Variants in NINJ2 observed in about 807,000 individuals in gnomAD.
The protein encoded by NINJ2 is ninjurin 2.
Under a neutral mutation model 11.7 loss-of-function variants are expected in NINJ2, and 12 were observed. That is an observed-to-expected ratio of 1.02 (90% CI 0.66 to 1.66). NINJ2 has a LOEUF of 1.66. NINJ2 is among the 40% of genes most tolerant of loss of function. The pLI, the probability that NINJ2 is intolerant of heterozygous loss-of-function variation, is 0.00. For synonymous variants in NINJ2, 93 were observed against 76.8 expected, an observed-to-expected ratio of 1.21 and a Z score of -1.10; for missense variants, 187 against 181.8, an observed-to-expected ratio of 1.03 and a Z score of -0.16.
chr12:609,767 C>A, intron 1 of NINJ2, among the ~76,000 whole-genome samples: 1 of 66,102 alleles, frequency 1.5e-5, no homozygotes, highest in African/African-American at 6.3e-5. Flanking sequence ...TGAGACTCTG[C>A]CTCAAAAAAA....
intron 1 of NINJ2, among the ~76,000 whole-genome samples, chr12:611,464 C>T (rs1948033591): frequency 6.6e-6 from 1 of 152,082 alleles, no homozygotes; most frequent in South Asian, 2.1e-4. Context: ...CAGCCTCCTG[C>T]ATAGCTCAGA....
At chr12:577,950 C>A (rs952309951) in intron 1 of NINJ2, among the ~76,000 whole-genome samples, 2 of 152,058 alleles carry the variant, frequency 1.3e-5, no homozygotes, top group Non-Finnish European at 2.9e-5. Context: ...GTCTTATGCC[C>A]AATTTCTGCC....
intron 1 of NINJ2, among the ~76,000 whole-genome samples, chr12:647,800 G>T (rs1210451391): frequency 2.0e-5 from 3 of 152,148 alleles, no homozygotes; most frequent in Non-Finnish European, 4.4e-5. Flanking sequence ...TGGGTCTAAG[G>T]ATTTGCATTT....
At chr12:588,816 T>C (rs1002430150) in intron 1 of NINJ2, among the ~76,000 whole-genome samples, 1 of 152,200 alleles carries the variant, frequency 6.6e-6, no homozygotes, top group Non-Finnish European at 1.5e-5. Flanking sequence ...ATCTGTGTAA[T>C]AGATATGATA....
intron 1 of NINJ2, among the ~76,000 whole-genome samples, chr12:571,598 G>A (rs985759410): frequency 6.6e-6 from 1 of 152,238 alleles, no homozygotes; most frequent in East Asian, 1.9e-4. Flanking sequence ...AGCTCCTAAG[G>A]CTGGTGCGAT....
At chr12:638,589 G>T (rs1948380966) in intron 1 of NINJ2, among the ~76,000 whole-genome samples, 1 of 152,162 alleles carries the variant, frequency 6.6e-6, no homozygotes, top group Non-Finnish European at 1.5e-5. Context: ...CTAATTTTTT[G>T]TATTTTTAGT....
chr12:578,881 G>A lies in NINJ2; in HGVS notation c.34-12703C>T, dbSNP rs138170598. The stretch of plus-strand genomic sequence containing the variant: ...AGTGCTGCCAGCTGCTGCTGCTCAT[G>A]AGTCTGTAAGGGTCTAGTGCTTTTA... On this transcript the variant is annotated intron_variant, in intron 1 of 3. Coordinates refer to ENST00000305108, the MANE Select transcript of NINJ2 (RefSeq NM_016533.6). 2.3e-4 allele frequency among the ~76,000 whole-genome samples: 35 copies of A among 152,332 alleles called. No individual in the cohort carries two copies. In the East Asian group the frequency reaches 6.4e-3, roughly 28 times the overall value.
rs1391042011 is a variant in NINJ2, at chr12:633,045, C to T, written c.33+30283G>A. 7.2e-5 allele frequency among the ~76,000 whole-genome samples: 11 copies of T among 152,128 alleles called. No individual in the cohort carries two copies. Among genetic ancestry groups the T allele is most frequent in the South Asian group, 2.1e-4 (1 of 4,828 alleles). On this transcript the variant is annotated intron_variant, in intron 1 of 3. Transcript: ENST00000305108. The surrounding 1 kb of genome is among the most constrained non-coding windows in gnomAD (Gnocchi z 4.3). ...GTCAGTAGATTTCAATCAGAAAGGT[C>T]GTGAAATATACCTCAGCCTGGCATT...
At chr12:650,009 T>C (rs1229515317) in intron 1 of NINJ2, among the ~76,000 whole-genome samples, 1 of 152,176 alleles carries the variant, frequency 6.6e-6, no homozygotes, top group Non-Finnish European at 1.5e-5. Flanking sequence ...AATATTTCAA[T>C]GAACATCTTT....
At chr12:593,630 G>T (rs1420890015) in intron 1 of NINJ2, among the ~76,000 whole-genome samples, 1 of 152,030 alleles carries the variant, frequency 6.6e-6, no homozygotes, top group Non-Finnish European at 1.5e-5. Context: ...TGGGAGGAGC[G>T]CTTGAGCCCA....
Position 621,568 on chromosome 12 carries a change from C to T in NINJ2, c.33+41760G>A, listed in dbSNP as rs534249944. On this transcript the variant is annotated intron_variant, in intron 1 of 3. Transcript: ENST00000305108. The stretch of plus-strand genomic sequence containing the variant: ...GGGCACAGTGGTTCACAACTGTAAT[C>T]CCAGCACTTTGGGAGGCCGAGACGG... Among the ~76,000 whole-genome samples, 137 of 152,204 alleles carry T rather than the reference C, an allele frequency of 9.0e-4. 2 individuals are homozygous for T. Among genetic ancestry groups the T allele is most frequent in the African/African-American group, 3.0e-3 (126 of 41,556 alleles).
At chr12:610,041 C>A (rs754766490) in intron 1 of NINJ2, among the ~76,000 whole-genome samples, 2 of 151,144 alleles carry the variant, frequency 1.3e-5, no homozygotes, top group Non-Finnish European at 2.9e-5. Flanking sequence ...CAAGTCGATT[C>A]TGAGTCTGGG....
At chr12:637,623 AGAGT>A (rs1441766864) in intron 1 of NINJ2, among the ~76,000 whole-genome samples, 3 of 151,406 alleles carry the variant, frequency 2.0e-5, no homozygotes, top group Admixed American at 6.6e-5. Flanking sequence ...CCTAGGCGAC[AGAGT>A]GAGACTCCAT....
At chr12:662,690 C>G (rs569283038) in intron 1 of NINJ2, among the ~76,000 whole-genome samples, 4 of 152,148 alleles carry the variant, frequency 2.6e-5, no homozygotes, top group Non-Finnish European at 5.9e-5. Context: ...CTCCTCTCAC[C>G]GTAACATCCC....
chr12:629,916 T>TATATATATATATATATATAC (rs147102413), intron 1 of NINJ2, among the ~76,000 whole-genome samples: 35 of 72,972 alleles, frequency 4.8e-4, no homozygotes, highest in Admixed American at 8.6e-4. Flanking sequence ...TATATATATA[T>TATATATATATATATATATAC]ATATATGAAG....
At chr12:641,099 G>A (rs997369358) in intron 1 of NINJ2, 7 of 152,206 alleles carry the variant, frequency 4.6e-5, no homozygotes, top group African/African-American at 1.7e-4. Flanking sequence ...ATTTGACAAT[G>A]TGCTTGTACT....
intron 1 of NINJ2, among the ~76,000 whole-genome samples, chr12:574,634 T>G (rs1276792401): frequency 6.6e-6 from 1 of 152,132 alleles, no homozygotes; most frequent in Non-Finnish European, 1.5e-5. Context: ...GGATGTGGCA[T>G]GAAGGCCCTC....
rs1374100543 is a variant in NINJ2, at chr12:580,650, CA to C, written c.34-14473del. Among the ~76,000 whole-genome samples the C allele has an allele frequency of 2.0e-5, 3 of 151,984 alleles. No homozygotes were observed. Among genetic ancestry groups the C allele is most frequent in the East Asian group, 3.9e-4 (2 of 5,188 alleles). ...CATTCACTGCATTCAGAAGAGACTT[CA>C]AAGGCAGGACCAGGGTGAGCTGAAC... On this transcript the variant is annotated intron_variant, in intron 1 of 3. Transcript: ENST00000305108. This position sits in a 1 kb window ranked among gnomAD's most constrained non-coding sequence, Gnocchi z 4.7.
intron 1 of NINJ2, among the ~76,000 whole-genome samples, chr12:570,280 C>A (rs1366035964): frequency 6.6e-6 from 1 of 152,232 alleles, no homozygotes; most frequent in Non-Finnish European, 1.5e-5. Flanking sequence ...ATTGCAGCAT[C>A]TTTAAAAGCA....
Sources: allele counts gnomAD v4.1 joint callset (sites outside exome capture counted in the v4.1 genomes callset), GRCh38; gene constraint gnomAD v4.1.1; non-coding constraint Gnocchi (gnomAD v3.1); transcripts MANE v1.5; gene names NCBI Gene and HGNC (gene_info 2026-07-23, HGNC 2026-07-21).